The following EPRS1 variants were observed in gnomAD, a reference collection of about 807,000 sequenced individuals.
EPRS1 encodes bifunctional glutamate/proline--tRNA ligase.
A neutral mutation model predicts 188.3 loss-of-function variants in EPRS1; 107 were observed. The ratio of observed to expected loss-of-function variants is 0.57; its 90% confidence interval spans 0.49 to 0.67. The LOEUF (loss-of-function observed/expected upper bound fraction) is 0.67. EPRS1 is among the 30% of genes least tolerant of loss of function. EPRS1 has a pLI of 0.00. For missense variants in EPRS1, 1,577 were observed against 1,802.2 expected (o/e 0.88, Z 2.26); for synonymous variants, 596 against 593.1 (o/e 1.00, Z -0.07).
At chr1:220,038,901 A>G (rs1386911220) in intron 2 of EPRS1, among the ~76,000 whole-genome samples, 1 of 152,104 alleles carries the variant, frequency 6.6e-6, no homozygotes, top group African/African-American at 2.4e-5. Flanking sequence ...AGAGCAGGTG[A>G]AGTCTGTCTG....
rs148667987 is a variant in EPRS1, at chr1:220,026,777, G to A, written c.624-1519C>T. Reference sequence around the variant, plus strand: ...GATCTCCTGACCTTGTGACCCGCCTGCCTCGGCCAGCAGTTGTACAGTTTT... The same window carrying A: ...GATCTCCTGACCTTGTGACCCGCCTACCTCGGCCAGCAGTTGTACAGTTTT... On this transcript the variant is annotated intron_variant, in intron 6 of 31. Transcript: ENST00000366923. 6.1e-3 allele frequency among the ~76,000 whole-genome samples: 931 copies of A among 151,962 alleles called. 14 individuals are homozygous for A. The highest frequency in any genetic ancestry group is 0.021 in the African/African-American group (885 of 41,490).
intron 31 of EPRS1, 40 bp downstream of exon 31, chr1:219,969,018 T>C (rs761227835): frequency 1.9e-5 from 31 of 1,611,932 alleles, no homozygotes; most frequent in Non-Finnish European, 2.5e-5. Context: ...TTCCTTTCCA[T>C]TGCAATTTTT....
intron 9 of EPRS1, 102 bp downstream of exon 9, chr1:220,022,245 A>G (rs962148404): frequency 1.4e-5 from 15 of 1,053,778 alleles, no homozygotes; most frequent in Non-Finnish European, 1.9e-5. Flanking sequence ...TGGATGAACA[A>G]AAGGCCAGGT....
At chr1:219,982,012 G>A (rs529904369) in intron 23 of EPRS1, among the ~76,000 whole-genome samples, 3 of 152,292 alleles carry the variant, frequency 2.0e-5, no homozygotes, top group East Asian at 3.9e-4. Flanking sequence ...ACCTGTCTTA[G>A]AATAGCCTGC....
chr1:220,039,230 C>G (rs946719580), intron 2 of EPRS1, among the ~76,000 whole-genome samples: 1 of 152,050 alleles, frequency 6.6e-6, no homozygotes, highest in Non-Finnish European at 1.5e-5. Context: ...GGTGGTTGTA[C>G]AGGAAAAAAT....
chr1:219,979,109 C>T (rs1426789060), intron 27 of EPRS1, among the ~76,000 whole-genome samples: 43 of 152,224 alleles, frequency 2.8e-4, no homozygotes, highest in East Asian at 1.9e-4. Context: ...CCCGCCTTGG[C>T]GTCCCACAGT....
intron 13 of EPRS1, among the ~76,000 whole-genome samples, chr1:220,010,139 T>C (rs961460294): frequency 6.7e-6 from 1 of 149,906 alleles, no homozygotes; most frequent in Non-Finnish European, 1.5e-5. Flanking sequence ...AGATGGACCC[T>C]TCACTTATAC....
intron 29 of EPRS1, 54 bp from the exon 30 acceptor site, chr1:219,972,201 G>A (rs1219342321): frequency 1.7e-6 from 2 of 1,173,008 alleles, no homozygotes; most frequent in Non-Finnish European, 2.4e-6. Flanking sequence ...ATATGACAAA[G>A]TTTTATGAAA....
rs1661840830 is a variant in EPRS1 at position 220,020,160 on chromosome 1, C to A, written c.1177G>T (p.Ala393Ser). ...IVDSIEGVTH[A>S]LRTTEYHDRD... Reference sequence around the variant, plus strand: ...TCATGGTATTCTGTTGTTCTCAGGGCATGTGTAACACCTTCGATGCTGTCA... The same window carrying A: ...TCATGGTATTCTGTTGTTCTCAGGGAATGTGTAACACCTTCGATGCTGTCA... The change falls in exon 10 of 32, where the codon GCC becomes TCC. Residue 393 changes from alanine (A) to serine (S), a missense_variant. This residue lies in a region of EPRS1 where 1,278 missense variants were observed against 1,457.4 expected (regional missense o/e 0.88). Transcript: ENST00000366923. The A allele has an allele frequency of 1.2e-6, 2 of 1,613,944 alleles. No individual in the cohort carries two copies. The highest frequency in any genetic ancestry group is 1.3e-5 in the African/African-American group (1 of 74,894).
At chr1:220,018,947 G>T in intron 11 of EPRS1, 48 bp downstream of exon 11, 1 of 1,206,776 alleles carries the variant, frequency 8.3e-7, no homozygotes, top group Non-Finnish European at 1.2e-6. Context: ...AGTAATAGAA[G>T]TACCTGAAAT....
chr1:220,041,898 G>A (rs1040628628), intron 1 of EPRS1, among the ~76,000 whole-genome samples: 1 of 152,082 alleles, frequency 6.6e-6, no homozygotes, highest in Non-Finnish European at 1.5e-5. Flanking sequence ...ATGTTCCACT[G>A]GAAACAGGGC....
intron 11 of EPRS1, 21 bp from the exon 12 acceptor site, chr1:220,018,529 G>T: frequency 6.5e-7 from 1 of 1,532,472 alleles, no homozygotes; most frequent in Non-Finnish European, 9.0e-7. Context: ...ATAACAACAT[G>T]ATTTTAAGGG....
intron 9 of EPRS1, 64 bp from the exon 10 acceptor site, chr1:220,020,285 T>C: frequency 1.0e-6 from 1 of 976,872 alleles, no homozygotes; most frequent in Non-Finnish European, 1.6e-6. Context: ...TTAAGCATTA[T>C]AAACAACAAT....
intron 17 of EPRS1, 124 bp from the exon 18 acceptor site, chr1:219,997,466 C>A: frequency 1.2e-6 from 1 of 815,510 alleles, no homozygotes; most frequent in Non-Finnish European, 1.8e-6. Flanking sequence ...AACTTCAATC[C>A]CTTAAAAAGC....
chr1:220,024,811 C>T (rs985446969), intron 7 of EPRS1, among the ~76,000 whole-genome samples: 4 of 152,130 alleles, frequency 2.6e-5, no homozygotes, highest in Admixed American at 1.3e-4. Flanking sequence ...TTTTCCAATA[C>T]CTACTTAGTG....
intron 28 of EPRS1, 23 bp from the exon 29 acceptor site, chr1:219,973,421 A>T (rs779359362): frequency 6.4e-7 from 1 of 1,568,730 alleles, no homozygotes; most frequent in Non-Finnish European, 8.7e-7. Context: ...AAAGGCAGTT[A>T]AAATGATATA....
chr1:219,976,659 T>C (rs2647464), intron 28 of EPRS1, among the ~76,000 whole-genome samples: 43,355 of 152,038 alleles, frequency 0.29, 6,252 homozygotes, highest in Middle Eastern at 0.36. Flanking sequence ...AAAAAAATTT[T>C]ACAACCCAGG....
chr1:220,021,810 G>A (rs1032735749), intron 9 of EPRS1, among the ~76,000 whole-genome samples: 6 of 151,644 alleles, frequency 4.0e-5, no homozygotes, highest in South Asian at 2.1e-4. Context: ...TGTGTAGTAC[G>A]CTTCTTCAAA....
intron 12 of EPRS1, among the ~76,000 whole-genome samples, chr1:220,017,255 A>G (rs1353207580): frequency 1.3e-5 from 2 of 152,190 alleles, no homozygotes; most frequent in Non-Finnish European, 2.9e-5. Context: ...AACTATCTAG[A>G]AGAGATGAAA....
Sources: allele counts gnomAD v4.1 joint callset (sites outside exome capture counted in the v4.1 genomes callset), GRCh38; gene constraint gnomAD v4.1.1; regional missense constraint gnomAD v4.1.1; transcripts MANE v1.5; gene names NCBI Gene and HGNC (gene_info 2026-07-23, HGNC 2026-07-21).